GALNT13: variants seen among roughly 807,000 people sequenced by gnomAD.
GALNT13 encodes the protein polypeptide N-acetylgalactosaminyltransferase 13.
A neutral mutation model predicts 64.2 loss-of-function variants in GALNT13; 28 were observed. The ratio of observed to expected loss-of-function variants is 0.44; its 90% CI spans 0.32 to 0.60. The LOEUF (loss-of-function observed/expected upper bound fraction) is 0.60, where lower values mean the gene tolerates loss of function less well. Among genes scored for constraint, GALNT13 ranks in the 20% least tolerant of loss-of-function variants. The pLI is 0.05. For missense variants in GALNT13, 577 were observed against 669.8 expected, an observed-to-expected ratio of 0.86 and a Z score of 1.53; for synonymous variants, 214 against 224.6, an observed-to-expected ratio of 0.95 and a Z score of 0.42.
intron 9 of GALNT13, among the ~76,000 whole-genome samples, chr2:154,366,168 T>C (rs1697350673): frequency 6.6e-6 from 1 of 152,208 alleles, no homozygotes; most frequent in Admixed American, 6.5e-5. Context: ...CAGCCAGTTA[T>C]TCTCTTTTCT....
intron 3 of GALNT13, among the ~76,000 whole-genome samples, chr2:154,034,708 TTC>T (rs1698551725): frequency 2.0e-5 from 3 of 152,164 alleles, no homozygotes; most frequent in Admixed American, 1.3e-4. Flanking sequence ...GGCTTTCTGT[TTC>T]TGAGTTATTT....
chr2:154,311,797 A>G (rs1423040496), intron 9 of GALNT13, among the ~76,000 whole-genome samples: 1 of 152,180 alleles, frequency 6.6e-6, no homozygotes, highest in Non-Finnish European at 1.5e-5. Context: ...CTAGGTGCGC[A>G]TTCTCTTTCT....
intron 4 of GALNT13, among the ~76,000 whole-genome samples, chr2:154,185,869 T>G (rs1686222516): frequency 6.6e-6 from 1 of 152,082 alleles, no homozygotes. Context: ...TTAAAATGTA[T>G]TGCCTAGCTT....
chr2:154,432,743 T>C (rs1700765444), intron 11 of GALNT13, among the ~76,000 whole-genome samples: 1 of 152,126 alleles, frequency 6.6e-6, no homozygotes, highest in Non-Finnish European at 1.5e-5. Context: ...TCTATTCTCT[T>C]ATAAGGACGC....
At chr2:153,564,280 T>TACTA in the GALNT13 span, among the ~76,000 whole-genome samples, 1 of 152,128 alleles carries the variant, frequency 6.6e-6, no homozygotes, top group Admixed American at 6.5e-5. Context: ...CTTCCTGGCA[T>TACTA]ACTACCTGCA....
chr2:153,883,076 A>ATT (rs922527133), intron 1 of GALNT13, among the ~76,000 whole-genome samples: 6 of 133,554 alleles, frequency 4.5e-5, no homozygotes, highest in South Asian at 2.7e-4. Context: ...ATATATGTAT[A>ATT]TTATATATAT....
chr2:154,290,780 C>T (rs937698829), intron 8 of GALNT13, among the ~76,000 whole-genome samples: 1 of 152,112 alleles, frequency 6.6e-6, no homozygotes, highest in African/African-American at 2.4e-5. Flanking sequence ...TTTATTCCTT[C>T]TGATGTTCGG....
chr2:153,571,267 T>C, the GALNT13 span, among the ~76,000 whole-genome samples: 2 of 152,046 alleles, frequency 1.3e-5, no homozygotes, highest in Non-Finnish European at 2.9e-5. Flanking sequence ...TGTCCACTGT[T>C]GGGATATAGA....
At chr2:154,264,650 A>G (rs1278097194) in intron 8 of GALNT13, among the ~76,000 whole-genome samples, 1 of 151,964 alleles carries the variant, frequency 6.6e-6, no homozygotes, top group African/African-American at 2.4e-5. Flanking sequence ...CAAACAAACA[A>G]ACAAAACCCA....
intron 3 of GALNT13, among the ~76,000 whole-genome samples, chr2:154,126,646 A>G (rs998211589): frequency 3.7e-4 from 56 of 151,742 alleles, no homozygotes; most frequent in Non-Finnish European, 4.4e-4. Context: ...AAAAAACAAA[A>G]AAAAAAAACA....
the GALNT13 span, among the ~76,000 whole-genome samples, chr2:153,580,732 T>C: frequency 2.0e-5 from 3 of 152,166 alleles, no homozygotes; most frequent in Non-Finnish European, 4.4e-5. Context: ...TTATAACAAT[T>C]GCTTAAAAAG....
chr2:154,267,176 A>C (rs1174344821), intron 8 of GALNT13, among the ~76,000 whole-genome samples: 1 of 152,154 alleles, frequency 6.6e-6, no homozygotes, highest in Admixed American at 6.6e-5. Flanking sequence ...TCCATAACTT[A>C]TACCATGAAA....
chr2:153,446,046 A>C, the GALNT13 span, among the ~76,000 whole-genome samples: 1 of 152,184 alleles, frequency 6.6e-6, no homozygotes, highest in African/African-American at 2.4e-5. Context: ...CCATCTCTAT[A>C]TATAAAGTTT....
intron 11 of GALNT13, among the ~76,000 whole-genome samples, chr2:154,422,690 A>G (rs1001955676): frequency 2.6e-5 from 4 of 152,214 alleles, no homozygotes; most frequent in African/African-American, 9.6e-5. Context: ...TCTTTTAGAC[A>G]AAAAATTCAA....
At chr2:153,724,990 T>C in the GALNT13 span, among the ~76,000 whole-genome samples, 2 of 151,534 alleles carry the variant, frequency 1.3e-5, no homozygotes, top group Non-Finnish European at 2.9e-5. Context: ...CATGCTGCTA[T>C]AGAGACACAT....
intron 4 of GALNT13, among the ~76,000 whole-genome samples, chr2:154,236,567 G>A (rs1206940905): frequency 6.6e-6 from 1 of 152,010 alleles, no homozygotes. Flanking sequence ...TCAATATAGT[G>A]TTAACTGTTG....
intron 9 of GALNT13, among the ~76,000 whole-genome samples, chr2:154,311,735 T>C (rs1257987220): frequency 1.3e-5 from 2 of 152,122 alleles, no homozygotes; most frequent in African/African-American, 4.8e-5. Context: ...CTCTGCAATC[T>C]CGACCATAAG....
upstream of GALNT13, among the ~76,000 whole-genome samples, chr2:153,867,043 C>T (rs1055774674): frequency 3.9e-5 from 6 of 152,066 alleles, no homozygotes; most frequent in South Asian, 2.1e-4. Context: ...GAAGAATGCC[C>T]GTGCATTATA....
chr2:154,199,460 C>T lies in GALNT13; in HGVS notation c.312-42570C>T, dbSNP rs376004941. ...AATCAAACAGAGCACAAAATGGGTA[C>T]ACTCAACCTTAGGAAACTTGAGGTT... On this transcript the variant is annotated intron_variant, in intron 4 of 12. Coordinates refer to ENST00000392825, the MANE Select transcript of GALNT13 (RefSeq NM_052917.4). 1.1e-4 allele frequency among the ~76,000 whole-genome samples: 17 copies of T among 152,060 alleles called. No homozygotes were observed. The East Asian group carries it at 1.7e-3, about 16-fold the overall frequency.
Sources: gnomAD v4.1 joint callset for allele counts (sites outside exome capture counted in the v4.1 genomes callset) on GRCh38, gnomAD v4.1.1 for gene constraint, MANE v1.5 for transcripts, NCBI Gene and HGNC (gene_info 2026-07-23, HGNC 2026-07-21) for gene names.